The following G2E3 variants were observed in gnomAD, a reference collection of about 807,000 sequenced individuals.
G2E3 encodes G2/M phase-specific E3 ubiquitin-protein ligase.
A neutral mutation model predicts 92.8 loss-of-function variants in G2E3; 35 were observed. The observed-to-expected ratio is 0.38, with a 90% CI of 0.29 to 0.50. The LOEUF (loss-of-function observed/expected upper bound fraction) is 0.50, where lower values mean the gene tolerates loss of function less well. Among genes scored for constraint, G2E3 ranks in the 20% least tolerant of loss-of-function variants. The pLI, the probability that G2E3 is intolerant of heterozygous loss-of-function variation, is 0.94. For synonymous variants in G2E3, 242 were observed against 272.4 expected, an observed-to-expected ratio of 0.89 and a Z score of 1.10; for missense variants, 554 against 823.8, an observed-to-expected ratio of 0.67 and a Z score of 4.01.
chr14:30,585,050 G>T (rs1880632732), intron 2 of G2E3, among the ~76,000 whole-genome samples: 1 of 151,904 alleles, frequency 6.6e-6, no homozygotes, highest in South Asian at 2.1e-4. Context: ...TGGGCAGGCT[G>T]GTCTCGAACT....
intron 1 of G2E3, 139 bp from the exon 2 acceptor site, chr14:30,580,937 A>G: frequency 1.6e-6 from 1 of 617,162 alleles, no homozygotes; most frequent in African/African-American, 1.9e-5. Context: ...CTGATCTTAG[A>G]TGTATTAAAG....
chr14:30,602,701 T>A (rs1311855225), intron 10 of G2E3: 3 of 152,312 alleles, frequency 2.0e-5, no homozygotes, highest in Admixed American at 1.3e-4. Flanking sequence ...AGCCCCGACC[T>A]CCTGGGCACA....
At chr14:30,602,163 A>C in intron 10 of G2E3, 32 bp downstream of exon 10, 1 of 1,534,800 alleles carries the variant, frequency 6.5e-7, no homozygotes, top group South Asian at 1.2e-5. Context: ...AATACATAAA[A>C]ATCTATTTGG....
chr14:30,585,337 G>A (rs1026253357), intron 2 of G2E3, among the ~76,000 whole-genome samples: 1 of 152,044 alleles, frequency 6.6e-6, no homozygotes, highest in South Asian at 2.1e-4. Flanking sequence ...TTGTATATAT[G>A]GTGTGAGGTA....
intron 1 of G2E3, among the ~76,000 whole-genome samples, chr14:30,562,974 T>G (rs934478646): frequency 6.6e-6 from 1 of 152,116 alleles, no homozygotes; most frequent in Non-Finnish European, 1.5e-5. Flanking sequence ...CCAATAAATA[T>G]CAGCACAGCC....
chr14:30,597,677 G>A, intron 7 of G2E3, 151 bp downstream of exon 7: 1 of 600,114 alleles, frequency 1.7e-6, no homozygotes, highest in Non-Finnish European at 3.0e-6. Flanking sequence ...CCCCCACATG[G>A]CCAGTTCTTG....
At chr14:30,594,934 G>A (rs1023606677) in intron 6 of G2E3, among the ~76,000 whole-genome samples, 5 of 150,842 alleles carry the variant, frequency 3.3e-5, no homozygotes, top group Middle Eastern at 3.5e-3. Flanking sequence ...TTCGAGACCA[G>A]CATGGCCAAC....
chr14:30,616,192 A>C, intron 14 of G2E3, 86 bp from the exon 15 acceptor site: 1 of 891,498 alleles, frequency 1.1e-6, no homozygotes, highest in Non-Finnish European at 1.8e-6. Context: ...TTCCAAGTCT[A>C]TTTGGAGAAG....
chr14:30,596,972 G>C (rs1881321543), intron 6 of G2E3, among the ~76,000 whole-genome samples: 2 of 152,178 alleles, frequency 1.3e-5, no homozygotes, highest in Non-Finnish European at 2.9e-5. Context: ...AATGAGGATA[G>C]GTTTTATACT....
At chr14:30,615,209 T>C (rs1882256834) in intron 13 of G2E3, 140 bp from the exon 14 acceptor site, 1 of 532,884 alleles carries the variant, frequency 1.9e-6, no homozygotes, top group Non-Finnish European at 3.3e-6. Context: ...TATGATTGTC[T>C]CTTGTGGGGG....
chr14:30,573,490 A>G (rs1879897497), intron 1 of G2E3: 1 of 151,860 alleles, frequency 6.6e-6, no homozygotes, highest in African/African-American at 2.4e-5. Flanking sequence ...TTAATTTATT[A>G]TAAGGTATTG....
chr14:30,566,998 T>C (rs2138769904), intron 1 of G2E3, among the ~76,000 whole-genome samples: 1 of 152,344 alleles, frequency 6.6e-6, no homozygotes, highest in South Asian at 2.1e-4. Flanking sequence ...GATTTCCATA[T>C]GCTGAACCAC....
Position 30,594,122 on chromosome 14 carries a change from T to C in G2E3, c.528+483T>C, listed in dbSNP as rs114693049. ...CAATTAATTAAAAATATTGGTTCTTTGAGAGTCATCTTACGTATCAAACCT... is the reference window on the plus strand; with the variant it reads ...CAATTAATTAAAAATATTGGTTCTTCGAGAGTCATCTTACGTATCAAACCT... On this transcript the variant is annotated intron_variant, in intron 6 of 14. Transcript: ENST00000206595. 4.6e-3 allele frequency among the ~76,000 whole-genome samples: 697 copies of C among 152,294 alleles called. 9 individuals are homozygous for C. Among genetic ancestry groups the C allele is most frequent in the African/African-American group, 0.016 (664 of 41,568 alleles).
intron 1 of G2E3, among the ~76,000 whole-genome samples, chr14:30,567,649 A>T (rs1879519922): frequency 3.4e-5 from 5 of 147,702 alleles, no homozygotes; most frequent in East Asian, 2.0e-4. Context: ...CATTATCTGG[A>T]CTCTAAATTA....
At position 30,585,831 on chromosome 14, in the gene G2E3, G is replaced by C. The variant is rs185229562; in HGVS notation, c.38-887G>C. Among the ~76,000 whole-genome samples the C allele has an allele frequency of 3.3e-5, 5 of 152,156 alleles. No individual in the cohort carries two copies. In the East Asian group the frequency reaches 9.7e-4, roughly 29 times the overall value. On this transcript the variant is annotated intron_variant, in intron 2 of 14. Coordinates refer to ENST00000206595, the MANE Select transcript of G2E3 (RefSeq NM_017769.5). ...TCTTTTTTAACATAGGCTTGCATGAGCCTAAACATCAGCCAGAGGTGAGAG... is the reference window on the plus strand; with the variant it reads ...TCTTTTTTAACATAGGCTTGCATGACCCTAAACATCAGCCAGAGGTGAGAG...
intron 1 of G2E3, among the ~76,000 whole-genome samples, chr14:30,578,606 A>G (rs1369866944): frequency 6.6e-6 from 1 of 152,192 alleles, no homozygotes; most frequent in African/African-American, 2.4e-5. Flanking sequence ...TCTAGGTTGG[A>G]TGACAGTGTA....
chr14:30,562,919 A>C (rs1026006266), intron 1 of G2E3, among the ~76,000 whole-genome samples: 1 of 152,226 alleles, frequency 6.6e-6, no homozygotes, highest in African/African-American at 2.4e-5. Flanking sequence ...ACCCACGTGA[A>C]CTTACCTATC....
chr14:30,620,056 A>G lies in G2E3; in HGVS notation c.*3522A>G, dbSNP rs562835626. On this transcript the variant is annotated 3_prime_UTR_variant, in exon 15 of 15. Coordinates refer to ENST00000206595, the MANE Select transcript of G2E3 (RefSeq NM_017769.5). Reference sequence around the variant, plus strand: ...ATAGCTTACCAGAATAAATTATTTAAGCCAAAAATCTGGACTCAGATAAAT... The same window carrying G: ...ATAGCTTACCAGAATAAATTATTTAGGCCAAAAATCTGGACTCAGATAAAT... 6.6e-6 allele frequency: 1 copy of G among 152,364 alleles called. No individual in the cohort carries two copies. The highest frequency in any genetic ancestry group is 2.1e-4 in the South Asian group (1 of 4,834). 9.4% of individuals were successfully genotyped at this position (152,364 alleles called of 1,614,324 possible). A position where few individuals can be genotyped will look rare whatever the true frequency, so the allele number is the denominator to read the frequency against.
Position 30,584,273 on chromosome 14 carries a change from T to C in G2E3, c.38-2445T>C, listed in dbSNP as rs1880589442. Among the ~76,000 whole-genome samples the C allele has an allele frequency of 5.2e-5, 8 of 152,390 alleles. No homozygotes were observed. The South Asian group carries it at 1.7e-3, about 32-fold the overall frequency. On this transcript the variant is annotated intron_variant, in intron 2 of 14. Coordinates refer to ENST00000206595, the MANE Select transcript of G2E3 (RefSeq NM_017769.5). Reference sequence around the variant, plus strand: ...ATACCATATTTTGTTTATCCACTTATCCATCCTTTGATGGACATTTGGCTT... The same window carrying C: ...ATACCATATTTTGTTTATCCACTTACCCATCCTTTGATGGACATTTGGCTT...
Sources: gnomAD v4.1 joint callset for allele counts (sites outside exome capture counted in the v4.1 genomes callset) on GRCh38, gnomAD v4.1.1 for gene constraint, MANE v1.5 for transcripts, NCBI Gene and HGNC (gene_info 2026-07-23, HGNC 2026-07-21) for gene names.